Variants in USP50 observed in about 807,000 individuals in gnomAD.
USP50 encodes the protein ubiquitin specific peptidase 50.
A neutral mutation model predicts 39.2 loss-of-function variants in USP50; 37 were observed. The ratio of observed to expected loss-of-function variants is 0.94; its 90% CI spans 0.73 to 1.24. The LOEUF is 1.24. Ranked by LOEUF, USP50 falls within the 50% of genes most tolerant of loss-of-function variation. USP50 has a pLI of 0.00. For synonymous variants in USP50, 139 were observed against 144.5 expected, an observed-to-expected ratio of 0.96 and a Z score of 0.27; for missense variants, 374 against 398.2, an observed-to-expected ratio of 0.94 and a Z score of 0.52.
chr15:50,518,964 A>G (rs1360537330), intron 6 of USP50, among the ~76,000 whole-genome samples: 1 of 152,148 alleles, frequency 6.6e-6, no homozygotes, highest in Non-Finnish European at 1.5e-5. Context: ...CAACTCAACA[A>G]CAACAAAAAA....
intron 6 of USP50, chr15:50,513,476 G>T (rs1336553931): frequency 6.8e-6 from 1 of 147,210 alleles, no homozygotes; most frequent in East Asian, 2.0e-4. Context: ...GAGGGAGGTG[G>T]ATCACCTGAG....
At chr15:50,516,749 CTA>C (rs59705292) in intron 6 of USP50, among the ~76,000 whole-genome samples, 4,575 of 149,854 alleles carry the variant, frequency 0.031, 113 homozygotes, top group African/African-American at 0.069. Flanking sequence ...AGAGTGGTAG[CTA>C]TATATATATA....
At chr15:50,525,572 GTATATGTA>G (rs1425659392) in intron 6 of USP50, among the ~76,000 whole-genome samples, 2 of 64,722 alleles carry the variant, frequency 3.1e-5, no homozygotes, top group African/African-American at 5.2e-5. Context: ...ATGTATATAT[GTATATGTA>G]TATATGTATA....
intron 5 of USP50, among the ~76,000 whole-genome samples, chr15:50,537,720 C>T (rs752473230): frequency 9.3e-5 from 14 of 150,726 alleles, no homozygotes; most frequent in African/African-American, 1.9e-4. Flanking sequence ...ATTAGCTGGG[C>T]GTGGTGGCGG....
At chr15:50,499,415 GC>G (rs1273585974), downstream of USP50, 1 of 178,390 alleles carries the variant, frequency 5.6e-6, no homozygotes. Flanking sequence ...CACTGTTATG[GC>G]CTTTTCACAT....
intron 5 of USP50, among the ~76,000 whole-genome samples, chr15:50,538,368 C>G (rs912662962): frequency 1.3e-5 from 2 of 150,898 alleles, no homozygotes; most frequent in Non-Finnish European, 2.9e-5. Flanking sequence ...CTTTAACAGA[C>G]CTTCATTGAA....
In USP50 at chr15:50,541,100, G is replaced by C; in HGVS notation, c.609C>G (p.Val203=). 1 of 1,613,920 alleles carries C rather than the reference G, an allele frequency of 6.2e-7. No individual in the cohort carries two copies. The highest frequency in any genetic ancestry group is 8.5e-7 in the Non-Finnish European group (1 of 1,179,860). Residue 203 remains valine, a synonymous_variant, in exon 4 of 7, where the codon GTC becomes GTG. Transcript: ENST00000532404. The stretch of plus-strand genomic sequence containing the variant: ...GAATGGGGAGTGAGAAGACAGTGAA[G>C]ACTTCGTTCTTGTAGGTGCATTTCT... The part of the protein sequence containing the change: ...KCEKCTYKNE[V]FTVFSLPIPS...
At position 50,523,175 on chromosome 15, in the gene USP50, C is replaced by CTTTTTTTTTTTTTTT. The variant is rs57450027; in HGVS notation, c.936+6607_936+6621dup. ...AAAATCAACATATAAAAATCAGTAG[C>CTTTTTTTTTTTTTTT]TTTTTTTTTTTTTTTTTTGGTGAGA... On this transcript the variant is annotated intron_variant, in intron 6 of 6. Coordinates refer to ENST00000532404, the MANE Select transcript of USP50 (RefSeq NM_203494.5). Among the ~76,000 whole-genome samples, 53 of 104,202 alleles carry CTTTTTTTTTTTTTTT rather than the reference C, an allele frequency of 5.1e-4. 6 individuals are homozygous for CTTTTTTTTTTTTTTT. The highest frequency in any genetic ancestry group is 6.1e-4 in the Non-Finnish European group (33 of 54,066). The allele number at this position is 104,202 out of a possible 152,430, so 68.4% of individuals were successfully genotyped here. A position where few individuals can be genotyped will look rare whatever the true frequency, so the allele number is the denominator to read the frequency against.
intron 5 of USP50, among the ~76,000 whole-genome samples, chr15:50,536,282 T>C (rs1025076765): frequency 2.0e-5 from 3 of 152,184 alleles, no homozygotes; most frequent in Non-Finnish European, 4.4e-5. Context: ...ATAGCAAGAT[T>C]GTAGGATACA....
At chr15:50,499,960 A>G (rs1394850910), downstream of USP50, 1 of 152,194 alleles carries the variant, frequency 6.6e-6, no homozygotes, top group East Asian at 1.9e-4. Flanking sequence ...GGAGTCAGGC[A>G]TGATTGCAAA....
At chr15:50,518,142 C>T (rs961262176) in intron 6 of USP50, among the ~76,000 whole-genome samples, 1 of 152,064 alleles carries the variant, frequency 6.6e-6, no homozygotes, top group African/African-American at 2.4e-5. Flanking sequence ...AAAACAGACA[C>T]ATAGGCCAAT....
intron 5 of USP50, among the ~76,000 whole-genome samples, chr15:50,537,891 G>GAGGGGAGGGA (rs2052992773): frequency 3.1e-5 from 1 of 31,846 alleles, no homozygotes; most frequent in African/African-American, 9.7e-5. Context: ...GAGGGGAGGG[G>GAGGGGAGGGA]AGGGGAGGGA....
chr15:50,531,506 A>T (rs1357970981), intron 5 of USP50, among the ~76,000 whole-genome samples: 1 of 150,734 alleles, frequency 6.6e-6, no homozygotes, highest in Non-Finnish European at 1.5e-5. Context: ...TAGGGACGGA[A>T]ATCAGATCAA....
chr15:50,493,342 C>A (rs1174142265), downstream of USP50: 5 of 520,544 alleles, frequency 9.6e-6, no homozygotes, highest in African/African-American at 9.6e-5. Context: ...TGTAGGGCTA[C>A]AGTATGTGAA....
At chr15:50,511,636 A>C (rs888572837) in intron 6 of USP50, 1 of 152,274 alleles carries the variant, frequency 6.6e-6, no homozygotes, top group Non-Finnish European at 1.5e-5. Context: ...TGAAACTTGA[A>C]AACATTATGC....
At chr15:50,543,814 T>C (rs746219609) in intron 2 of USP50, 21 bp from the exon 3 acceptor site, 10 of 1,593,420 alleles carry the variant, frequency 6.3e-6, no homozygotes, top group South Asian at 5.7e-5. Context: ...GAAAGGGATA[T>C]GTTTCTGGCT....
intron 5 of USP50, chr15:50,531,993 T>C (rs1368384739): frequency 2.9e-5 from 11 of 378,332 alleles, no homozygotes; most frequent in South Asian, 1.2e-4. Context: ...CCAGCAAACA[T>C]AGAGAATCAC....
Position 50,544,694 on chromosome 15 carries a change from C to G in USP50, c.141G>C (p.Trp47Cys). ...QPHFQGVTGL[W>C]NLGNTCCVNA... ...TCACGCAGCATGTGTTGCCCAAGTTCCACAAGCCAGTGACACCCTGAAAAT... is the reference window on the plus strand; with the variant it reads ...TCACGCAGCATGTGTTGCCCAAGTTGCACAAGCCAGTGACACCCTGAAAAT... The change falls in exon 2 of 7, where the codon TGG (tryptophan) becomes TGC (cysteine). Residue 47 changes from tryptophan (W) to cysteine (C), a missense_variant. Physicochemically the swap from Trp to Cys is radical, Grantham distance 215 (BLOSUM62 -2). Transcript: ENST00000532404. The G allele has an allele frequency of 6.2e-7, 1 of 1,613,978 alleles. No individual in the cohort carries two copies. Among genetic ancestry groups the G allele is most frequent in the African/African-American group, 1.3e-5 (1 of 75,022 alleles).
chr15:50,496,550 T>C (rs1459420372), downstream of USP50, among the ~76,000 whole-genome samples: 1 of 151,606 alleles, frequency 6.6e-6, no homozygotes, highest in East Asian at 1.9e-4. Flanking sequence ...ATTAGGCCTA[T>C]GTAGATTAGA....
Sources: gnomAD v4.1 joint callset for allele counts (sites outside exome capture counted in the v4.1 genomes callset) on GRCh38, gnomAD v4.1.1 for gene constraint, MANE v1.5 for transcripts, NCBI Gene and HGNC (gene_info 2026-07-23, HGNC 2026-07-21) for gene names.